Variants in TAF9B observed in about 807,000 individuals in gnomAD.
TAF9B encodes TATA-box binding protein associated factor 9b.
In TAF9B, 47 loss-of-function variants were observed where a neutral mutation model predicts 17.6. The observed-to-expected ratio is 2.68, with a 90% CI of 2.12 to 3.41. The LOEUF is 3.41. Ranked by LOEUF, TAF9B falls within the 30% of genes most tolerant of loss-of-function variation. TAF9B has a pLI of 0.00. For synonymous variants in TAF9B, 84 were observed against 68.7 expected (o/e 1.22, Z -1.10); for missense variants, 218 against 189.3 (o/e 1.15, Z -0.89).
intron 5 of TAF9B, among the ~76,000 whole-genome samples, chrX:78,134,320 C>T (rs1468607724): frequency 8.9e-6 from 1 of 111,784 alleles, no homozygotes; most frequent in Non-Finnish European, 1.9e-5. Flanking sequence ...ATTTTTCATC[C>T]TTGTGAGCAC....
At chrX:78,138,176 T>C in intron 2 of TAF9B, 78 bp from the exon 3 acceptor site, 2 of 1,030,089 alleles carry the variant, frequency 1.9e-6, no homozygotes, top group Non-Finnish European at 2.6e-6. Context: ...AATAAAACTT[T>C]CCACTAATTT....
Position 78,130,358 on chromosome X carries a change from A to G in TAF9B, c.*1252T>C, listed in dbSNP as rs782119383. The G allele has an allele frequency of 8.9e-6, 1 of 112,686 alleles. No homozygotes were observed. The highest frequency in any genetic ancestry group is 3.2e-5 in the African/African-American group (1 of 31,011). The allele number at this position is 112,686 out of a possible 1,213,427, so 9.3% of individuals were successfully genotyped here. ...TGCCATCTTTCCCAATATGACTTTA[A>G]TATGTGTATAAATGGAAAACAGGGA... On this transcript the variant is annotated 3_prime_UTR_variant, in exon 7 of 7. Transcript: ENST00000341864.
rs1462805455 is a variant in TAF9B at position 78,131,477 on chromosome X, TTTAAC to T, written c.*128_*132del. On this transcript the variant is annotated 3_prime_UTR_variant, in exon 7 of 7. Coordinates refer to ENST00000341864, the MANE Select transcript of TAF9B (RefSeq NM_015975.5). ...ATGTTTACTAAAGAGATCTAACAGT[TTTAAC>T]TGACGAAAAATACTGCAGCTACATT... 1.4e-4 allele frequency: 76 copies of T among 539,808 alleles called. No homozygotes were observed. Among genetic ancestry groups the T allele is most frequent in the Non-Finnish European group, 1.9e-4 (66 of 342,977 alleles). 44.5% of individuals were successfully genotyped at this position (539,808 alleles called of 1,213,427 possible).
chrX:78,131,217 CTA>C lies in TAF9B; in HGVS notation c.*391_*392del, dbSNP rs2078409890. On this transcript the variant is annotated 3_prime_UTR_variant, in exon 7 of 7. Coordinates refer to ENST00000341864, the MANE Select transcript of TAF9B (RefSeq NM_015975.5). ...AAAATTAGCTAGTGACAGTAAGTAA[CTA>C]TATTACCTTATAAAATAAAGTAGTA... The C allele has an allele frequency of 2.7e-5, 3 of 109,773 alleles. No individual in the cohort carries two copies. The highest frequency in any genetic ancestry group is 9.9e-5 in the Admixed American group (1 of 10,059). 9.0% of individuals were successfully genotyped at this position (109,773 alleles called of 1,213,427 possible).
In TAF9B at chrX:78,137,959, C is replaced by G. The variant is rs1194632608; in HGVS notation, c.270+3G>C. Reference sequence around the variant, plus strand: ...AAATAACTTCAAATCAAAGTTTGCTCACATCTCTTGGGGGAGGAGAGGTAA... The same window carrying G: ...AAATAACTTCAAATCAAAGTTTGCTGACATCTCTTGGGGGAGGAGAGGTAA... On this transcript the variant is annotated splice_donor_region_variant and intron_variant, in intron 3 of 6. Coordinates refer to ENST00000341864, the MANE Select transcript of TAF9B (RefSeq NM_015975.5). The G allele has an allele frequency of 7.5e-6, 9 of 1,203,756 alleles. No homozygotes were observed. Among genetic ancestry groups the G allele is most frequent in the South Asian group, 1.8e-5 (1 of 55,245 alleles).
chrX:78,131,388 T>A lies in TAF9B; in HGVS notation c.*222A>T, dbSNP rs1557249437. 2 of 286,952 alleles carry A rather than the reference T, an allele frequency of 7.0e-6. No homozygotes were observed. Among genetic ancestry groups the A allele is most frequent in the African/African-American group, 5.5e-5 (2 of 36,341 alleles). 23.6% of individuals were successfully genotyped at this position (286,952 alleles called of 1,213,427 possible). On this transcript the variant is annotated 3_prime_UTR_variant, in exon 7 of 7. Transcript: ENST00000341864. Reference sequence around the variant, plus strand: ...TTGCCATATTAGGACTCAACATTAATGAAACTATTAAGAAACAAGTACTTA... The same window carrying A: ...TTGCCATATTAGGACTCAACATTAAAGAAACTATTAAGAAACAAGTACTTA...
chrX:78,131,770 G>A lies in TAF9B; in HGVS notation c.596C>T (p.Pro199Leu), dbSNP rs1173503036. The change falls in exon 7 of 7, where the codon CCT becomes CTT. Residue 199 changes from proline to leucine, a missense_variant. Pro to Leu is a moderately conservative substitution (Grantham distance 98). Coordinates refer to ENST00000341864, the MANE Select transcript of TAF9B (RefSeq NM_015975.5). ...AACATTTTGAACTGCAGTTGTTGCAGGAACTGTAAACAGAGAAGAAAGCCC... is the reference window on the plus strand; with the variant it reads ...AACATTTTGAACTGCAGTTGTTGCAAGAACTGTAAACAGAGAAGAAAGCCC... ...PSQSTPVKPV[P>L]ATTAVQNVLI... 2 of 1,202,610 alleles carry A rather than the reference G, an allele frequency of 1.7e-6. No homozygotes were observed. The highest frequency in any genetic ancestry group is 1.8e-5 in the African/African-American group (1 of 56,764).
chrX:78,134,872 C>T (rs2078428144), intron 5 of TAF9B, among the ~76,000 whole-genome samples: 1 of 111,269 alleles, frequency 9.0e-6, no homozygotes, highest in South Asian at 3.7e-4. Context: ...GGCTTTAAAA[C>T]TGAACACATT....
In TAF9B at chrX:78,133,337, C is replaced by A. The variant is rs1199277916; in HGVS notation, c.592+1G>T. 5.8e-6 allele frequency: 7 copies of A among 1,199,154 alleles called. No homozygotes were observed. Among genetic ancestry groups the A allele is most frequent in the Non-Finnish European group, 7.9e-6 (7 of 884,656 alleles). ...CTGTCCCCCACTCCCAATCACATTA[C>A]CTGGTTTGACAGGTGTGGACTGAGA... On this transcript the variant is annotated splice_donor_variant, in intron 6 of 6. Transcript: ENST00000341864. LOFTEE classifies it high-confidence loss of function.
chrX:78,134,047 A>G (rs1220399669), intron 5 of TAF9B, among the ~76,000 whole-genome samples: 2 of 111,393 alleles, frequency 1.8e-5, no homozygotes, highest in African/African-American at 6.5e-5. Flanking sequence ...TGAGGTCTCC[A>G]GGTGGGCCCA....
In TAF9B at chrX:78,139,596, T is replaced by C; in HGVS notation, c.16A>G (p.Met6Val). The C allele has an allele frequency of 8.3e-7, 1 of 1,211,762 alleles. No individual in the cohort carries two copies. The highest frequency in any genetic ancestry group is 1.1e-6 in the Non-Finnish European group (1 of 895,398). MESGKMAPPKNAPRDA... is the reference protein window; with the variant it reads MESGKVAPPKNAPRDA... The stretch of plus-strand genomic sequence containing the variant: ...CTCGGAGCGTTCTTGGGAGGCGCCA[T>C]CTTGCCCGACTCCATGTTATCCAGC... The change falls in exon 1 of 7, where the codon ATG becomes GTG. Residue 6 changes from methionine (M) to valine (V), a missense_variant. Met to Val is a conservative substitution (Grantham distance 21, BLOSUM62 1). Transcript: ENST00000341864.
chrX:78,133,643 T>A (rs1158742972), intron 5 of TAF9B, among the ~76,000 whole-genome samples, 195 bp from the exon 6 acceptor site: 1 of 111,608 alleles, frequency 9.0e-6, no homozygotes, highest in Admixed American at 9.5e-5. Flanking sequence ...CAGTATAGAA[T>A]AGTGGTAAAG....
At chrX:78,137,218 ATTAAAG>A (rs1393914724) in intron 4 of TAF9B, among the ~76,000 whole-genome samples, 2 of 112,354 alleles carry the variant, frequency 1.8e-5, no homozygotes, top group Non-Finnish European at 3.8e-5. Context: ...CTTATGCAGT[ATTAAAG>A]TTTAAGATAG....
chrX:78,132,890 T>C (rs2078419800), intron 6 of TAF9B, among the ~76,000 whole-genome samples: 2 of 110,640 alleles, frequency 1.8e-5, no homozygotes, highest in Admixed American at 9.7e-5. Flanking sequence ...TAGTCCCCCC[T>C]TATCTGCAGT....
rs1557249477 is a variant in TAF9B at position 78,131,648 on chromosome X, T to C, written c.718A>G (p.Arg240Gly). ...TTGTCATCATCATCTTCATGTTTTC[T>C]CTTCAGTGGGTTTGCTTCATTGGCT... ...NTANEANPLK[R>G]KHEDDDDNDI... is the part of the protein sequence containing the mutation. Residue 240 changes from arginine to glycine, a missense_variant, in exon 7 of 7, where the codon AGA (arginine) becomes GGA (glycine). Physicochemically the swap from Arg to Gly is moderately radical, Grantham distance 125. Transcript: ENST00000341864. 2 of 1,211,274 alleles carry C rather than the reference T, an allele frequency of 1.7e-6. No individual in the cohort carries two copies. The highest frequency in any genetic ancestry group is 2.2e-6 in the Non-Finnish European group (2 of 895,054).
intron 1 of TAF9B, 148 bp downstream of exon 1, chrX:78,139,413 G>T: frequency 1.2e-6 from 1 of 859,169 alleles, no homozygotes; most frequent in Non-Finnish European, 1.6e-6. Flanking sequence ...GGGGGCCAGG[G>T]CGCATCCCCA....
chrX:78,139,583 TTGGG>T lies in TAF9B; in HGVS notation c.25_28del (p.Pro9ArgfsTer9). ...TACCAAGGCATCTCTCGGAGCGTTC[TTGGG>T]AGGCGCCATCTTGCCCGACTCCATG... On this transcript the variant is annotated frameshift_variant, in exon 1 of 7. Coordinates refer to ENST00000341864, the MANE Select transcript of TAF9B (RefSeq NM_015975.5). LOFTEE classifies it high-confidence loss of function. The T allele has an allele frequency of 8.3e-7, 1 of 1,212,081 alleles. No homozygotes were observed. Among genetic ancestry groups the T allele is most frequent in the Non-Finnish European group, 1.1e-6 (1 of 895,496 alleles).
intron 5 of TAF9B, among the ~76,000 whole-genome samples, chrX:78,136,162 A>G (rs1405685602): frequency 3.7e-5 from 4 of 108,062 alleles, no homozygotes; most frequent in African/African-American, 6.7e-5. Flanking sequence ...GGAATGTAGG[A>G]AAAAAAAAAC....
chrX:78,134,304 A>C (rs2078426092), intron 5 of TAF9B, among the ~76,000 whole-genome samples: 1 of 111,790 alleles, frequency 8.9e-6, no homozygotes, highest in Admixed American at 9.5e-5. Context: ...ACAAGCCTTG[A>C]CTAACATTTT....
Sources: allele counts gnomAD v4.1 joint callset (sites outside exome capture counted in the v4.1 genomes callset), GRCh38; gene constraint gnomAD v4.1.1; transcripts MANE v1.5; gene names NCBI Gene and HGNC (gene_info 2026-07-23, HGNC 2026-07-21).